Variants in CHST3 observed in about 807,000 individuals in gnomAD.
CHST3 encodes carbohydrate sulfotransferase 3.
A neutral mutation model predicts 35.4 loss-of-function variants in CHST3; 20 were observed. That is an observed-to-expected ratio of 0.57 (90% CI 0.40 to 0.82). The LOEUF is 0.82. CHST3 is among the 40% of genes least tolerant of loss of function. The pLI is 0.00. For missense variants in CHST3, 693 were observed against 670.1 expected (o/e 1.03, Z -0.38); for synonymous variants, 334 against 295.9 (o/e 1.13, Z -1.32).
intron 1 of CHST3, among the ~76,000 whole-genome samples, chr10:71,985,917 G>A (rs1438954937): frequency 2.0e-5 from 3 of 152,108 alleles, no homozygotes; most frequent in East Asian, 1.9e-4. Context: ...ATACTAGTCT[G>A]TTCTCCATTC....
intron 1 of CHST3, among the ~76,000 whole-genome samples, chr10:71,969,861 G>A (rs1224152593): frequency 6.6e-6 from 1 of 152,240 alleles, no homozygotes; most frequent in African/African-American, 2.4e-5. Flanking sequence ...GCGGCACAGA[G>A]AGGGTCTTTG....
intron 1 of CHST3, among the ~76,000 whole-genome samples, chr10:71,967,726 T>A (rs1839645563): frequency 6.6e-6 from 1 of 152,230 alleles, no homozygotes; most frequent in African/African-American, 2.4e-5. Flanking sequence ...TAATCCTACT[T>A]TGAGTTCTTT....
intron 1 of CHST3, among the ~76,000 whole-genome samples, chr10:71,969,962 T>C (rs187653470): frequency 1.2e-4 from 18 of 152,344 alleles, no homozygotes; most frequent in African/African-American, 4.3e-4. Flanking sequence ...TAAACAGAAA[T>C]GATATTTGCC....
chr10:72,008,234 C>A lies in CHST3; in HGVS notation c.1203C>A (p.Ile401=). 1 of 1,565,368 alleles carries A rather than the reference C, an allele frequency of 6.4e-7. No homozygotes were observed. Among genetic ancestry groups the A allele is most frequent in the East Asian group, 2.4e-5 (1 of 42,066 alleles). Residue 401 remains isoleucine, a synonymous_variant, in exon 3 of 3, where the codon ATC becomes ATA. Coordinates refer to ENST00000373115, the MANE Select transcript of CHST3 (RefSeq NM_004273.5). The part of the protein sequence containing the change: ...IPLTPQVEDW[I]QKNTQAAHDG... Reference sequence around the variant, plus strand: ...TGACCCCGCAGGTGGAAGACTGGATCCAAAAGAACACGCAGGCGGCCCACG... The same window carrying A: ...TGACCCCGCAGGTGGAAGACTGGATACAAAAGAACACGCAGGCGGCCCACG...
At chr10:72,004,051 C>G (rs1840016094) in intron 1 of CHST3, among the ~76,000 whole-genome samples, 1 of 152,128 alleles carries the variant, frequency 6.6e-6, no homozygotes, top group South Asian at 2.1e-4. Context: ...TGATGCATGC[C>G]TATAATCCCA....
At chr10:71,991,883 G>A (rs1272388402) in intron 1 of CHST3, among the ~76,000 whole-genome samples, 4 of 151,376 alleles carry the variant, frequency 2.6e-5, no homozygotes, top group Non-Finnish European at 2.9e-5. Flanking sequence ...GCAGTGAGCC[G>A]AGATACATGC....
At chr10:71,984,957 A>T (rs1024409627) in intron 1 of CHST3, among the ~76,000 whole-genome samples, 1 of 152,224 alleles carries the variant, frequency 6.6e-6, no homozygotes, top group Non-Finnish European at 1.5e-5. Flanking sequence ...GTACTTTCCC[A>T]AAAGCTTGCA....
chr10:71,968,912 T>G (rs758821429), intron 1 of CHST3, among the ~76,000 whole-genome samples: 1 of 152,158 alleles, frequency 6.6e-6, no homozygotes, highest in Non-Finnish European at 1.5e-5. Flanking sequence ...ATACCGTGAA[T>G]AGGGAAGAAA....
At chr10:72,000,225 GTTCA>G (rs963133451) in intron 1 of CHST3, among the ~76,000 whole-genome samples, 2 of 152,058 alleles carry the variant, frequency 1.3e-5, no homozygotes, top group African/African-American at 2.4e-5. Flanking sequence ...ACATTGATTC[GTTCA>G]TTCATTCATT....
At chr10:71,984,954 C>T (rs928735061) in intron 1 of CHST3, among the ~76,000 whole-genome samples, 2 of 152,210 alleles carry the variant, frequency 1.3e-5, no homozygotes, top group African/African-American at 2.4e-5. Context: ...TAGGTACTTT[C>T]CCAAAAGCTT....
chr10:72,002,053 C>T (rs1241896316), intron 1 of CHST3, among the ~76,000 whole-genome samples: 1 of 152,136 alleles, frequency 6.6e-6, no homozygotes, highest in African/African-American at 2.4e-5. Flanking sequence ...GGCACCATGA[C>T]CCTCTCCCCG....
At position 72,005,822 on chromosome 10, in the gene CHST3, C is replaced by A; in HGVS notation, c.-21C>A. On this transcript the variant is annotated 5_prime_UTR_variant, in exon 2 of 3. Coordinates refer to ENST00000373115, the MANE Select transcript of CHST3 (RefSeq NM_004273.5). ...GTGTCCAAGGCTGGCCCGAGGAGCC[C>A]CCACGGCCCCACCTTTCCCCATGGA... 1 of 1,614,160 alleles carries A rather than the reference C, an allele frequency of 6.2e-7. No individual in the cohort carries two copies. The highest frequency in any genetic ancestry group is 8.5e-7 in the Non-Finnish European group (1 of 1,180,040).
chr10:71,983,231 G>C (rs1426688031), intron 1 of CHST3, among the ~76,000 whole-genome samples: 1 of 152,162 alleles, frequency 6.6e-6, no homozygotes, highest in African/African-American at 2.4e-5. Context: ...AGACCCGCAG[G>C]CCTGCTCAGT....
At chr10:71,987,714 C>CA (rs386371790) in intron 1 of CHST3, among the ~76,000 whole-genome samples, 2,582 of 88,810 alleles carry the variant, frequency 0.029, 170 homozygotes, top group African/African-American at 0.1. Context: ...GAGACTGTCT[C>CA]AAAAAAAAAA....
intron 1 of CHST3, among the ~76,000 whole-genome samples, chr10:71,976,178 T>C (rs927586941): frequency 6.6e-6 from 1 of 152,190 alleles, no homozygotes; most frequent in Non-Finnish European, 1.5e-5. Flanking sequence ...GGAGCACTTT[T>C]GAAGCCATAG....
At chr10:71,972,297 C>G (rs1037549026) in intron 1 of CHST3, among the ~76,000 whole-genome samples, 1 of 152,140 alleles carries the variant, frequency 6.6e-6, no homozygotes, top group Non-Finnish European at 1.5e-5. Flanking sequence ...GTGGCTGCAC[C>G]GAGAGGAGAA....
intron 1 of CHST3, among the ~76,000 whole-genome samples, chr10:71,981,947 C>T (rs560228356): frequency 3.9e-5 from 6 of 152,320 alleles, no homozygotes; most frequent in South Asian, 2.1e-4. Flanking sequence ...TCATGCCCAG[C>T]AGGGATGCAG....
Position 71,967,291 on chromosome 10 carries a change from C to T in CHST3, c.-108+2597C>T, listed in dbSNP as rs184511097. 1.1e-4 allele frequency among the ~76,000 whole-genome samples: 17 copies of T among 152,272 alleles called. 1 individual carries two copies. Among genetic ancestry groups the T allele is most frequent in the African/African-American group, 3.1e-4 (13 of 41,552 alleles). ...ACAGGTCTGACACACTGCACAGGCC[C>T]GAGATGGGTGGTTTTTGATCCTCAC... On this transcript the variant is annotated intron_variant, in intron 1 of 2. Transcript: ENST00000373115.
chr10:71,976,181 A>G (rs937662545), intron 1 of CHST3, among the ~76,000 whole-genome samples: 9 of 152,180 alleles, frequency 5.9e-5, no homozygotes, highest in African/African-American at 1.9e-4. Context: ...GCACTTTTGA[A>G]GCCATAGAGG....
Sources: gnomAD v4.1 joint callset for allele counts (sites outside exome capture counted in the v4.1 genomes callset) on GRCh38, gnomAD v4.1.1 for gene constraint, MANE v1.5 for transcripts, NCBI Gene and HGNC (gene_info 2026-07-23, HGNC 2026-07-21) for gene names.